Variants in C11orf97 observed in about 807,000 individuals in gnomAD.
C11orf97 encodes chromosome 11 open reading frame 97.
In C11orf97, 15 loss-of-function variants were observed where a neutral mutation model predicts 16.2. The ratio of observed to expected loss-of-function variants is 0.93; its 90% CI spans 0.62 to 1.43. The LOEUF (loss-of-function observed/expected upper bound fraction) is 1.43. C11orf97 is among the 40% of genes most tolerant of loss of function. C11orf97 has a pLI of 0.00. For synonymous variants in C11orf97, 61 were observed against 65.7 expected (o/e 0.93, Z 0.34); for missense variants, 171 against 161.2 (o/e 1.06, Z -0.33).
intron 2 of C11orf97, among the ~76,000 whole-genome samples, chr11:94,520,344 A>C (rs1262217241): frequency 6.6e-6 from 1 of 152,000 alleles, no homozygotes; most frequent in Non-Finnish European, 1.5e-5. Flanking sequence ...CTCTTTAGCT[A>C]TTCTTTCTCC....
At position 94,520,932 on chromosome 11, in the gene C11orf97, T is replaced by G. The variant is rs959767147; in HGVS notation, c.250+3245T>G. 2.6e-5 allele frequency among the ~76,000 whole-genome samples: 4 copies of G among 152,218 alleles called. No individual in the cohort carries two copies. In the South Asian group the frequency reaches 8.3e-4, roughly 32 times the overall value. On this transcript the variant is annotated intron_variant, in intron 2 of 3. Coordinates refer to ENST00000542198, the MANE Select transcript of C11orf97 (RefSeq NM_001190462.2). Reference sequence around the variant, plus strand: ...CTTTTTATTATTCTGAGACTAGATTTCATGCTCCTATGGCCAGCTCACCTC... The same window carrying G: ...CTTTTTATTATTCTGAGACTAGATTGCATGCTCCTATGGCCAGCTCACCTC...
chr11:94,518,611 G>GC (rs1281318830), intron 2 of C11orf97, among the ~76,000 whole-genome samples: 1 of 152,150 alleles, frequency 6.6e-6, no homozygotes. Flanking sequence ...TGCTCTAGGA[G>GC]CCCCAGAATC....
At chr11:94,514,010 A>T (rs1242275108) in intron 1 of C11orf97, among the ~76,000 whole-genome samples, 1 of 152,128 alleles carries the variant, frequency 6.6e-6, no homozygotes, top group Non-Finnish European at 1.5e-5. Context: ...GGGTATCGCC[A>T]TGTTGGTCAG....
At chr11:94,528,428 G>T (rs1364421231) in intron 3 of C11orf97, among the ~76,000 whole-genome samples, 2 of 152,184 alleles carry the variant, frequency 1.3e-5, no homozygotes, top group Non-Finnish European at 2.9e-5. Context: ...TACAACAGAA[G>T]TTCATCCTCT....
intron 2 of C11orf97, among the ~76,000 whole-genome samples, chr11:94,519,049 C>T (rs1302605453): frequency 6.6e-6 from 1 of 152,000 alleles, no homozygotes; most frequent in African/African-American, 2.4e-5. Context: ...GCTGGGATTA[C>T]AGGCACACAC....
chr11:94,524,008 T>C (rs1474178264), intron 2 of C11orf97, among the ~76,000 whole-genome samples: 1 of 152,150 alleles, frequency 6.6e-6, no homozygotes, highest in Non-Finnish European at 1.5e-5. Flanking sequence ...AGGCTCCTGA[T>C]GTGTTGATAC....
intron 1 of C11orf97, among the ~76,000 whole-genome samples, chr11:94,517,030 T>A (rs1367079671): frequency 1.3e-5 from 2 of 152,258 alleles, no homozygotes; most frequent in African/African-American, 2.4e-5. Context: ...ATTCAGTCCT[T>A]GACTGTAGTA....
chr11:94,516,102 T>C (rs183109492), intron 1 of C11orf97, among the ~76,000 whole-genome samples: 1 of 152,150 alleles, frequency 6.6e-6, no homozygotes, highest in Non-Finnish European at 1.5e-5. Context: ...AAGTATGTAA[T>C]TCTAACTTTT....
At chr11:94,517,751 G>C in intron 2 of C11orf97, 64 bp downstream of exon 2, 1 of 1,102,790 alleles carries the variant, frequency 9.1e-7, no homozygotes. Flanking sequence ...CTTGATGACA[G>C]AGTATTTTAT....
intron 2 of C11orf97, among the ~76,000 whole-genome samples, chr11:94,524,586 G>GA (rs56304137): frequency 0.021 from 2,380 of 115,398 alleles, 102 homozygotes; most frequent in Non-Finnish European, 0.027. Context: ...ACCTCATCCT[G>GA]AAAAAAAAAA....
At position 94,520,826 on chromosome 11, in the gene C11orf97, A is replaced by G. The variant is rs61124171; in HGVS notation, c.250+3139A>G. ...TCTGCTACTGCCCCTGCTACTGTTA[A>G]TTCTCTGCACTGAAACCGGAGGGAT... On this transcript the variant is annotated intron_variant, in intron 2 of 3. Coordinates refer to ENST00000542198, the MANE Select transcript of C11orf97 (RefSeq NM_001190462.2). Among the ~76,000 whole-genome samples, 1,409 of 152,304 alleles carry G rather than the reference A, an allele frequency of 9.3e-3. 26 individuals are homozygous for G. The highest frequency in any genetic ancestry group is 0.032 in the African/African-American group (1,346 of 41,548).
intron 3 of C11orf97, among the ~76,000 whole-genome samples, chr11:94,528,524 T>C (rs1483901177): frequency 6.6e-6 from 1 of 152,226 alleles, no homozygotes; most frequent in Admixed American, 6.5e-5. Context: ...AGGAATCCTG[T>C]ACTGTCTTTT....
intron 3 of C11orf97, 107 bp from the exon 4 acceptor site, chr11:94,531,789 T>C: frequency 1.1e-6 from 1 of 909,554 alleles, no homozygotes. Context: ...TACATTCTGC[T>C]CAATCAAATG....
intron 2 of C11orf97, among the ~76,000 whole-genome samples, chr11:94,518,146 T>C (rs1441987992): frequency 6.2e-5 from 3 of 48,604 alleles, no homozygotes; most frequent in East Asian, 5.4e-4. Context: ...AGACTCCATA[T>C]CAGAAAAAAA....
chr11:94,530,701 T>G (rs931217414), intron 3 of C11orf97, among the ~76,000 whole-genome samples: 66 of 152,226 alleles, frequency 4.3e-4, no homozygotes, highest in African/African-American at 1.6e-3. Flanking sequence ...TAGAATCTTC[T>G]TGCTGCTAAC....
At chr11:94,526,303 A>AT (rs1050419418) in intron 2 of C11orf97, among the ~76,000 whole-genome samples, 20 of 151,954 alleles carry the variant, frequency 1.3e-4, no homozygotes, top group Admixed American at 1.1e-3. Flanking sequence ...ATGGAGGGCT[A>AT]TTTTTTTTCC....
At chr11:94,531,437 T>TCAAACAAACAAA (rs35944099) in intron 3 of C11orf97, among the ~76,000 whole-genome samples, 11 of 145,430 alleles carry the variant, frequency 7.6e-5, no homozygotes, top group Non-Finnish European at 1.5e-4. Flanking sequence ...AGACTGTGTT[T>TCAAACAAACAAA]CAAACAAACA....
rs753938930 is a variant in C11orf97 at position 94,531,853 on chromosome 11, C to T, written c.377-43C>T. 2.2e-5 allele frequency: 30 copies of T among 1,382,278 alleles called. No individual in the cohort carries two copies. In the South Asian group the frequency reaches 3.0e-4, roughly 14 times the overall value. The allele number at this position is 1,382,278 out of a possible 1,614,324, so 85.6% of individuals were successfully genotyped here. On this transcript the variant is annotated intron_variant, in intron 3 of 3. Transcript: ENST00000542198. The stretch of plus-strand genomic sequence containing the variant: ...TGGGTGAGATTAAAGAGCATCTCCC[C>T]GAAGTAAAACACTTATTTTTTCACT...
Position 94,512,498 on chromosome 11 carries a change from G to T in C11orf97, c.-31G>T. 2.4e-6 allele frequency: 3 copies of T among 1,271,934 alleles called. No individual in the cohort carries two copies. The highest frequency in any genetic ancestry group is 3.0e-6 in the Non-Finnish European group (3 of 1,008,384). 78.8% of individuals were successfully genotyped at this position (1,271,934 alleles called of 1,614,324 possible). ...CTGCGACTGAGCTGAGAAGGAAACCGTGCCCAGGGCTCTCGGAAGACCGCT... is the reference window on the plus strand; with the variant it reads ...CTGCGACTGAGCTGAGAAGGAAACCTTGCCCAGGGCTCTCGGAAGACCGCT... On this transcript the variant is annotated 5_prime_UTR_variant, in exon 1 of 4. Coordinates refer to ENST00000542198, the MANE Select transcript of C11orf97 (RefSeq NM_001190462.2).
Sources: allele counts gnomAD v4.1 joint callset (sites outside exome capture counted in the v4.1 genomes callset), GRCh38; gene constraint gnomAD v4.1.1; transcripts MANE v1.5; gene names NCBI Gene and HGNC (gene_info 2026-07-23, HGNC 2026-07-21).